NAV1: variants seen among roughly 807,000 people sequenced by gnomAD.
The protein encoded by NAV1 is pore membrane and/or filament interacting like protein 3.
A neutral mutation model predicts 175.2 loss-of-function variants in NAV1; 18 were observed. That is an observed-to-expected ratio of 0.10 (90% CI 0.07 to 0.15). The LOEUF (loss-of-function observed/expected upper bound fraction) is 0.15. Among genes scored for constraint, NAV1 ranks in the 10% least tolerant of loss-of-function variants. NAV1 has a pLI of 1.00. For missense variants in NAV1, 1,731 were observed against 2,436.6 expected (o/e 0.71, Z 6.10); for synonymous variants, 897 against 978.7 (o/e 0.92, Z 1.56).
intron 2 of NAV1, among the ~76,000 whole-genome samples, chr1:201,633,248 CTATCACTTATTGAATACCCT>C (rs1668528103): frequency 1.3e-5 from 2 of 152,224 alleles, no homozygotes; most frequent in Non-Finnish European, 2.9e-5. Context: ...GTAATAATGA[CTATCACTTATTGAATACCCT>C]ACTATGTGCA....
rs927128949 is a variant in NAV1, at chr1:201,812,284, G to A, written c.5025-181G>A. 1.3e-5 allele frequency among the ~76,000 whole-genome samples: 2 copies of A among 152,194 alleles called. No individual in the cohort carries two copies. Among genetic ancestry groups the A allele is most frequent in the African/African-American group, 4.8e-5 (2 of 41,450 alleles). ...TATCCGAAGAGGGCTACCAATTTGA[G>A]AATCAGCTCTACCACCCCAGGGCTG... is the stretch of plus-strand genomic sequence containing the variant. On this transcript the variant is annotated intron_variant, in intron 26 of 29. Coordinates refer to ENST00000367296, the Ensembl canonical transcript of NAV1. This position sits in a 1 kb window ranked among gnomAD's most constrained non-coding sequence, Gnocchi z 4.6.
intron 1 of NAV1, among the ~76,000 whole-genome samples, chr1:201,695,937 C>T (rs1405351058): frequency 6.6e-6 from 1 of 152,342 alleles, no homozygotes; most frequent in South Asian, 2.1e-4. Flanking sequence ...GTATCCCTGC[C>T]CTACTCTCAG....
rs1676764957 is a variant in NAV1 at position 201,786,595 on chromosome 1, C to T, written c.2995+18C>T. 2 of 1,608,022 alleles carry T rather than the reference C, an allele frequency of 1.2e-6. No individual in the cohort carries two copies. The highest frequency in any genetic ancestry group is 1.1e-5 in the South Asian group (1 of 90,086). ...CAACATAGGTTAGTGTTTTCAGTCA[C>T]TCACTGTGGCATGGGGTGAAGCAGG... is the stretch of plus-strand genomic sequence containing the variant. On this transcript the variant is annotated intron_variant, in intron 9 of 29. Transcript: ENST00000367296.
At position 201,718,541 on chromosome 1, in the gene NAV1, C is replaced by T. The variant is rs757379926; in HGVS notation, c.1012C>T (p.Arg338Cys). Reference sequence around the variant, plus strand: ...CGCGCCCTCTGTGGGTGGGAGCTGCCGCTCGGAGGGGACGCCCGCCTGGTA... The same window carrying T: ...CGCGCCCTCTGTGGGTGGGAGCTGCTGCTCGGAGGGGACGCCCGCCTGGTA... Residue 338 changes from arginine to cysteine, a missense_variant, in exon 3 of 30, where the codon CGC (arginine) becomes TGC (cysteine). Transcript: ENST00000367296. The surrounding 1 kb of genome is among the most constrained non-coding windows in gnomAD (Gnocchi z 4.8). 6 of 1,612,626 alleles carry T rather than the reference C, an allele frequency of 3.7e-6. No individual in the cohort carries two copies. The East Asian group carries it at 8.9e-5, about 24-fold the overall frequency.
chr1:201,542,571 G>A (rs975344751), intron 1 of NAV1, among the ~76,000 whole-genome samples: 7 of 151,966 alleles, frequency 4.6e-5, no homozygotes, highest in East Asian at 3.8e-4. Context: ...GATTTCCTCC[G>A]AGAGGCCTGC....
At chr1:201,686,224 T>A (rs1481157325) in intron 1 of NAV1, among the ~76,000 whole-genome samples, 1 of 145,770 alleles carries the variant, frequency 6.9e-6, no homozygotes, top group East Asian at 2.0e-4. Context: ...CAACTGCATC[T>A]GCCCCTCCTC....
intron 1 of NAV1, among the ~76,000 whole-genome samples, chr1:201,541,590 G>A (rs573619064): frequency 2.0e-5 from 3 of 152,276 alleles, no homozygotes; most frequent in South Asian, 2.1e-4. Context: ...CCTGGACAAC[G>A]TGGTGAAACC....
intron 1 of NAV1, among the ~76,000 whole-genome samples, chr1:201,575,076 C>T (rs190843739): frequency 4.6e-5 from 7 of 152,368 alleles, no homozygotes; most frequent in East Asian, 1.9e-4. Flanking sequence ...CTAGATGGTG[C>T]TTTCTCCTTT....
In NAV1 at chr1:201,813,016, C is replaced by T; in HGVS notation, c.5222-124C>T. 2.8e-6 allele frequency: 2 copies of T among 709,708 alleles called. No individual in the cohort carries two copies. Among genetic ancestry groups the T allele is most frequent in the South Asian group, 3.6e-5 (2 of 55,554 alleles). The allele number at this position is 709,708 out of a possible 1,614,324, so 44.0% of individuals were successfully genotyped here. ...AGTCAGCACCCACTAGTCTTGACAACTCTAAATTTCCTTTAATCCTTTGAC... is the reference window on the plus strand; with the variant it reads ...AGTCAGCACCCACTAGTCTTGACAATTCTAAATTTCCTTTAATCCTTTGAC... On this transcript the variant is annotated intron_variant, in intron 27 of 29. Transcript: ENST00000367296. The surrounding 1 kb of genome is among the most constrained non-coding windows in gnomAD (Gnocchi z 4.2).
At chr1:201,585,202 G>A (rs1230691639) in intron 1 of NAV1, among the ~76,000 whole-genome samples, 2 of 152,194 alleles carry the variant, frequency 1.3e-5, no homozygotes, top group African/African-American at 2.4e-5. Flanking sequence ...AACGTGTGAT[G>A]ACTCATCTTC....
chr1:201,780,635 G>A (rs1310314356), intron 4 of NAV1, 76 bp downstream of exon 8: 2 of 1,568,736 alleles, frequency 1.3e-6, no homozygotes, highest in Non-Finnish European at 1.7e-6. Flanking sequence ...TGTGTATGGG[G>A]TTGCACGTAC....
intron 2 of NAV1, among the ~76,000 whole-genome samples, chr1:201,630,604 A>C (rs1054241669): frequency 6.6e-6 from 1 of 152,154 alleles, no homozygotes; most frequent in African/African-American, 2.4e-5. Context: ...CAACCCTAAA[A>C]ACAGAGCAGC....
Position 201,719,605 on chromosome 1 carries a change from G to A in NAV1, c.1226+850G>A, listed in dbSNP as rs138079376. ...GGATAGGAAGAATGAAGTGCTGGGC[G>A]CTTAGGGGGATCCTGGCCAACTCTT... On this transcript the variant is annotated intron_variant, in intron 3 of 29. Transcript: ENST00000367296. The A allele has an allele frequency of 9.0e-3, 1,385 of 153,824 alleles. 8 individuals are homozygous for A. The highest frequency in any genetic ancestry group is 0.014 in the Middle Eastern group (26 of 1,898). 9.5% of individuals were successfully genotyped at this position (153,824 alleles called of 1,614,324 possible). A position where few individuals can be genotyped will look rare whatever the true frequency, so the allele number is the denominator to read the frequency against.
intron 2 of NAV1, among the ~76,000 whole-genome samples, chr1:201,716,567 A>C (rs1672149572): frequency 6.6e-6 from 1 of 152,232 alleles, no homozygotes; most frequent in Admixed American, 6.5e-5. Context: ...GAGCTGCAGA[A>C]CACAAAGGGG....
chr1:201,556,231 C>G (rs574736052), intron 1 of NAV1, among the ~76,000 whole-genome samples: 3 of 152,104 alleles, frequency 2.0e-5, no homozygotes, highest in Non-Finnish European at 4.4e-5. Flanking sequence ...GGACAACATA[C>G]AGAGTCCCCA....
chr1:201,774,146 T>C (rs1675778900), intron 3 of NAV1, among the ~76,000 whole-genome samples: 1 of 152,168 alleles, frequency 6.6e-6, no homozygotes, highest in Non-Finnish European at 1.5e-5. Context: ...TTTCTGTACT[T>C]GAGATCTATG....
intron 3 of NAV1, among the ~76,000 whole-genome samples, chr1:201,735,452 G>T (rs562898445): frequency 1.8e-4 from 27 of 152,318 alleles, no homozygotes; most frequent in African/African-American, 6.3e-4. Flanking sequence ...CCTGGAGGTT[G>T]AGGAGGAAAG....
At chr1:201,645,273 CCAT>C (rs1467487971), upstream of NAV1, among the ~76,000 whole-genome samples, 5 of 151,306 alleles carry the variant, frequency 3.3e-5, no homozygotes, top group Non-Finnish European at 7.4e-5. Flanking sequence ...AAACTGGAAA[CCAT>C]CATTCTCAGC....
chr1:201,584,253 G>A (rs554454463), intron 1 of NAV1, among the ~76,000 whole-genome samples: 2 of 152,190 alleles, frequency 1.3e-5, no homozygotes, highest in Non-Finnish European at 2.9e-5. Context: ...TAAAACCATT[G>A]CTCTTTTTCA....
Sources: allele counts gnomAD v4.1 joint callset (sites outside exome capture counted in the v4.1 genomes callset), GRCh38; gene constraint gnomAD v4.1.1; non-coding constraint Gnocchi (gnomAD v3.1); transcripts MANE v1.5; gene names NCBI Gene and HGNC (gene_info 2026-07-23, HGNC 2026-07-21).